PER3: variants seen among roughly 807,000 people sequenced by gnomAD.
The protein encoded by PER3 is period circadian protein homolog 3.
Under a neutral mutation model 127.2 loss-of-function variants are expected in PER3, and 107 were observed. That is an observed-to-expected ratio of 0.84 (90% CI 0.72 to 0.99). PER3 has a LOEUF of 0.99. Ranked by LOEUF, PER3 falls within the 50% of genes least tolerant of loss-of-function variation. The pLI, the probability that PER3 is intolerant of heterozygous loss-of-function variation, is 0.00. For missense variants in PER3, 1,560 were observed against 1,525.8 expected (o/e 1.02, Z -0.37); for synonymous variants, 618 against 585.8 (o/e 1.05, Z -0.79).
In PER3 at chr1:7,817,343, C is replaced by T. The variant is rs151293670; in HGVS notation, c.1523-1942C>T. Among the ~76,000 whole-genome samples, 1,183 of 152,264 alleles carry T rather than the reference C, an allele frequency of 7.8e-3. 9 individuals are homozygous for T. Among genetic ancestry groups the T allele is most frequent in the Middle Eastern group, 0.024 (7 of 294 alleles). On this transcript the variant is annotated intron_variant, in intron 13 of 21. Transcript: ENST00000377532. ...GAGATGCAGGCATTGACAACTGAGT[C>T]CAACTGCATTACAGATGACAGGCCT...
Position 7,827,153 on chromosome 1 carries a change from T to G in PER3, c.2224T>G (p.Cys742Gly), listed in dbSNP as rs781683617. Residue 742 changes from cysteine to glycine, a missense_variant, in exon 18 of 22, where the codon TGC becomes GGC. By Grantham distance (159) the Cys-to-Gly change is radical (BLOSUM62 -3). This residue lies in a region of PER3 where 1,332 missense variants were observed against 1,223.6 expected (regional missense o/e 1.09). Transcript: ENST00000377532. ...TTCCAAGCAGACGCGGTCGGCCGGC[T>G]GCAGGAAAGGGAAGCACAAGCGGAA... ...STSKQTRSAG[C>G]RKGKHKRKKL... 2.5e-6 allele frequency: 4 copies of G among 1,608,344 alleles called. No individual in the cohort carries two copies. The East Asian group carries it at 8.9e-5, about 36-fold the overall frequency.
intron 5 of PER3, among the ~76,000 whole-genome samples, chr1:7,790,411 A>G (rs2097113796): frequency 6.6e-6 from 1 of 152,148 alleles, no homozygotes; most frequent in Non-Finnish European, 1.5e-5. Flanking sequence ...AGAACTTACT[A>G]TCATGAGAAC....
intron 16 of PER3, among the ~76,000 whole-genome samples, chr1:7,822,816 C>T (rs1396032117): frequency 2.0e-5 from 3 of 152,094 alleles, no homozygotes; most frequent in Admixed American, 2.0e-4. Flanking sequence ...CCCAGGGACT[C>T]AGGAGGCCAA....
chr1:7,837,700 G>A (rs991533145), intron 21 of PER3, among the ~76,000 whole-genome samples: 1 of 152,206 alleles, frequency 6.6e-6, no homozygotes, highest in Admixed American at 6.5e-5. Flanking sequence ...GGCAGCTGTG[G>A]TAATGGTAGT....
At chr1:7,799,895 G>A (rs1013691783) in intron 7 of PER3, among the ~76,000 whole-genome samples, 3 of 151,654 alleles carry the variant, frequency 2.0e-5, no homozygotes, top group Non-Finnish European at 4.4e-5. Flanking sequence ...CAGCCTCCAG[G>A]GTAGTTAGGA....
intron 16 of PER3, among the ~76,000 whole-genome samples, chr1:7,821,872 A>G (rs1301543703): frequency 6.6e-6 from 1 of 152,240 alleles, no homozygotes; most frequent in Non-Finnish European, 1.5e-5. Flanking sequence ...TCATTAGCTC[A>G]GTTTGCATCC....
rs2097076556 is a variant in PER3 at position 7,784,669 on chromosome 1, G to C, written c.-209G>C. On this transcript the variant is annotated 5_prime_UTR_variant, in exon 2 of 22. Transcript: ENST00000377532. ...CTCCCCCTAGGCCGGAGTCCTGAAAGTCGAGCGAGCTCCGGGTTTTGAAAA... is the reference window on the plus strand; with the variant it reads ...CTCCCCCTAGGCCGGAGTCCTGAAACTCGAGCGAGCTCCGGGTTTTGAAAA... 8.3e-6 allele frequency: 4 copies of C among 480,528 alleles called. No homozygotes were observed. The highest frequency in any genetic ancestry group is 4.4e-5 in the Admixed American group (1 of 22,600). 29.8% of individuals were successfully genotyped at this position (480,528 alleles called of 1,614,324 possible).
At position 7,844,682 on chromosome 1, in the gene PER3, G is replaced by A. The variant is rs2151372666; in HGVS notation, c.*1927G>A. The A allele has an allele frequency of 2.0e-5, 3 of 152,906 alleles. No individual in the cohort carries two copies. Among genetic ancestry groups the A allele is most frequent in the East Asian group, 1.9e-4 (1 of 5,314 alleles). The allele number at this position is 152,906 out of a possible 1,614,324, so 9.5% of individuals were successfully genotyped here. A position where few individuals can be genotyped will look rare whatever the true frequency, so the allele number is the denominator to read the frequency against. ...TTATACTAGGTTTGATTTGAAACTG[G>A]TGCTTGTCGCAGAACTGTCAGAGCA... is the stretch of plus-strand genomic sequence containing the variant. On this transcript the variant is annotated 3_prime_UTR_variant, in exon 22 of 22. Transcript: ENST00000377532.
At chr1:7,841,934 A>G (rs906179372) in intron 21 of PER3, among the ~76,000 whole-genome samples, 3 of 152,204 alleles carry the variant, frequency 2.0e-5, no homozygotes, top group Non-Finnish European at 4.4e-5. Context: ...GAGTGTACTC[A>G]TACAAACCTC....
In PER3 at chr1:7,787,271, C is replaced by T. The variant is rs1418277984; in HGVS notation, c.390+435C>T. 6.6e-6 allele frequency: 5 copies of T among 759,372 alleles called. No individual in the cohort carries two copies. The South Asian group carries it at 2.1e-4, about 32-fold the overall frequency. The allele number at this position is 759,372 out of a possible 1,614,324, so 47.0% of individuals were successfully genotyped here. ...GGTGAGTTGAGATGCTGTCATTTTT[C>T]CTAAAATTTTGGAAGAGACCTTTAG... On this transcript the variant is annotated intron_variant, in intron 4 of 21. Coordinates refer to ENST00000377532, the MANE Select transcript of PER3 (RefSeq NM_001377275.1).
intron 6 of PER3, among the ~76,000 whole-genome samples, chr1:7,794,981 T>G (rs926320825): frequency 6.6e-6 from 1 of 152,138 alleles, no homozygotes; most frequent in Non-Finnish European, 1.5e-5. Context: ...AGTTTTAGTA[T>G]TGAAGTTACT....
At position 7,827,140 on chromosome 1, in the gene PER3, G is replaced by C; in HGVS notation, c.2211G>C (p.Thr737=). The change falls in exon 18 of 22, where the codon ACG becomes ACC. Residue 737 remains threonine, a synonymous_variant. Coordinates refer to ENST00000377532, the MANE Select transcript of PER3 (RefSeq NM_001377275.1). ...YFQGDSTSKQ[T]RSAGCRKGKH... The stretch of plus-strand genomic sequence containing the variant: ...CAGGAGATTCTACTTCCAAGCAGAC[G>C]CGGTCGGCCGGCTGCAGGAAAGGGA... The C allele has an allele frequency of 6.2e-7, 1 of 1,602,640 alleles. No individual in the cohort carries two copies. The highest frequency in any genetic ancestry group is 8.5e-7 in the Non-Finnish European group (1 of 1,175,136).
chr1:7,835,426 A>T (rs1253743058), intron 19 of PER3, among the ~76,000 whole-genome samples: 2 of 152,216 alleles, frequency 1.3e-5, no homozygotes, highest in African/African-American at 4.8e-5. Flanking sequence ...GAAGACTAAG[A>T]CGTTATTAAC....
intron 19 of PER3, among the ~76,000 whole-genome samples, chr1:7,834,074 C>A (rs183116942): frequency 5.9e-5 from 9 of 152,230 alleles, no homozygotes; most frequent in African/African-American, 2.2e-4. Context: ...AGGCGTGCAC[C>A]ACCACGCCTA....
At chr1:7,814,437 A>G (rs2097237204) in intron 13 of PER3, among the ~76,000 whole-genome samples, 1 of 152,234 alleles carries the variant, frequency 6.6e-6, no homozygotes, top group South Asian at 2.1e-4. Context: ...ACAATAGAGT[A>G]GCATCCTCAA....
intron 16 of PER3, among the ~76,000 whole-genome samples, chr1:7,822,713 G>C (rs1356819504): frequency 6.6e-6 from 1 of 152,150 alleles, no homozygotes; most frequent in African/African-American, 2.4e-5. Context: ...TAATAGCTCT[G>C]CATGCAGCTA....
Position 7,827,781 on chromosome 1 carries a change from A to G in PER3, c.2852A>G (p.Gln951Arg). Residue 951 changes from glutamine (Q) to arginine (R), a missense_variant, in exon 18 of 22, where the codon CAG becomes CGG. Around this residue, in one of 3 missense-constraint regions of PER3, gnomAD observed 1,332 missense variants for 1,223.6 expected, o/e 1.09. Coordinates refer to ENST00000377532, the MANE Select transcript of PER3 (RefSeq NM_001377275.1). Reference protein sequence around the residue: ...EMPRPSESPDQMRRNTCPQTE... With the variant: ...EMPRPSESPDRMRRNTCPQTE... ...CCCAGACCCTCTGAATCTCCAGATC[A>G]GATGAGAAGGAACACGTGCCCACAA... 1.2e-6 allele frequency: 2 copies of G among 1,613,752 alleles called. No homozygotes were observed. Among genetic ancestry groups the G allele is most frequent in the Non-Finnish European group, 8.5e-7 (1 of 1,179,844 alleles).
chr1:7,829,575 G>A (rs1398711993), intron 18 of PER3, among the ~76,000 whole-genome samples: 1 of 152,186 alleles, frequency 6.6e-6, no homozygotes, highest in Non-Finnish European at 1.5e-5. Flanking sequence ...TACTGAGTGT[G>A]GAGGTGTGAA....
At chr1:7,787,099 T>C (rs41301977) in intron 4 of PER3, 10,173 of 361,708 alleles carry the variant, frequency 0.028, 196 homozygotes, top group Non-Finnish European at 0.036. Context: ...ATTCCCAAGC[T>C]CTCTTGAATT....
Sources: allele counts gnomAD v4.1 joint callset (sites outside exome capture counted in the v4.1 genomes callset), GRCh38; gene constraint gnomAD v4.1.1; regional missense constraint gnomAD v4.1.1; transcripts MANE v1.5; gene names NCBI Gene and HGNC (gene_info 2026-07-23, HGNC 2026-07-21).